CHIC2: variants seen among roughly 807,000 people sequenced by gnomAD.
CHIC2 encodes the protein cysteine-rich hydrophobic domain-containing protein 2.
Under a neutral mutation model 25.9 loss-of-function variants are expected in CHIC2, and 14 were observed. The ratio of observed to expected loss-of-function variants is 0.54; its 90% confidence interval spans 0.36 to 0.85. CHIC2 has a LOEUF of 0.85. Among genes scored for constraint, CHIC2 ranks in the 40% least tolerant of loss-of-function variants. The pLI is 0.01. For missense variants in CHIC2, 146 were observed against 202.0 expected (o/e 0.72, Z 1.68); for synonymous variants, 70 against 72.0 (o/e 0.97, Z 0.14).
intron 5 of CHIC2, among the ~76,000 whole-genome samples, chr4:54,013,604 A>G (rs1715656669): frequency 6.6e-6 from 1 of 152,134 alleles, no homozygotes; most frequent in Admixed American, 6.6e-5. Flanking sequence ...TTATCTTGGC[A>G]ATTAATTTAT....
At chr4:54,076,322 A>T in the CHIC2 span, among the ~76,000 whole-genome samples, 5 of 152,108 alleles carry the variant, frequency 3.3e-5, no homozygotes, top group Admixed American at 1.3e-4. Context: ...ATTAATTTTT[A>T]AAAATGACTT....
chr4:54,020,557 TC>T (rs1715867977), intron 3 of CHIC2, among the ~76,000 whole-genome samples: 1 of 152,070 alleles, frequency 6.6e-6, no homozygotes, highest in Non-Finnish European at 1.5e-5. Flanking sequence ...GGAAGACCAG[TC>T]CCCTGTCCTC....
intron 5 of CHIC2, among the ~76,000 whole-genome samples, 196 bp downstream of exon 5, chr4:54,013,641 G>C (rs1228982755): frequency 6.6e-6 from 1 of 152,068 alleles, no homozygotes; most frequent in East Asian, 1.9e-4. Flanking sequence ...GTGAAGCCTT[G>C]TTTTCAAGTC....
the CHIC2 span, among the ~76,000 whole-genome samples, chr4:54,081,353 C>T: frequency 6.6e-6 from 1 of 151,878 alleles, no homozygotes; most frequent in Non-Finnish European, 1.5e-5. Flanking sequence ...CCTTCTTAAT[C>T]TTTATTGTGA....
the CHIC2 span, among the ~76,000 whole-genome samples, chr4:54,078,778 G>A: frequency 5.9e-5 from 9 of 152,066 alleles, no homozygotes; most frequent in African/African-American, 2.2e-4. Flanking sequence ...GCCTCCCAAA[G>A]TGCTGGGATT....
At chr4:54,052,840 T>A (rs1473715851) in intron 1 of CHIC2, among the ~76,000 whole-genome samples, 1 of 152,210 alleles carries the variant, frequency 6.6e-6, no homozygotes, top group Non-Finnish European at 1.5e-5. Context: ...CATACTGTTT[T>A]CTCTTTAGAA....
At position 54,011,561 on chromosome 4, in the gene CHIC2, T is replaced by C. The variant is rs1218692919; in HGVS notation, c.448-1416A>G. Among the ~76,000 whole-genome samples, 7 of 152,168 alleles carry C rather than the reference T, an allele frequency of 4.6e-5. No individual in the cohort carries two copies. In the East Asian group the frequency reaches 1.2e-3, roughly 25 times the overall value. ...AGGAGTCAACATTAAATAAATAATT[T>C]TGTATTTCAAGTATGTCCTCAATCA... is the stretch of plus-strand genomic sequence containing the variant. On this transcript the variant is annotated intron_variant, in intron 5 of 5. Coordinates refer to ENST00000263921, the MANE Select transcript of CHIC2 (RefSeq NM_012110.4).
chr4:54,088,688 G>A, the CHIC2 span, among the ~76,000 whole-genome samples: 4 of 152,182 alleles, frequency 2.6e-5, no homozygotes, highest in African/African-American at 9.7e-5. Flanking sequence ...ATTTCAAAAC[G>A]ATCCTTCTGG....
upstream of CHIC2, among the ~76,000 whole-genome samples, chr4:54,065,929 T>C (rs924594417): frequency 2.6e-5 from 4 of 152,226 alleles, no homozygotes; most frequent in Non-Finnish European, 4.4e-5. Context: ...ATCAGACTTA[T>C]TGTATCCCTC....
rs570898545 is a variant in CHIC2 at position 54,021,682 on chromosome 4, G to A, written c.331-7563C>T. Among the ~76,000 whole-genome samples the A allele has an allele frequency of 4.6e-5, 7 of 152,050 alleles. No individual in the cohort carries two copies. In the South Asian group the frequency reaches 6.2e-4, roughly 14 times the overall value. Reference sequence around the variant, plus strand: ...TCCGACCTCTCCCAAATCAGTTAGCGTTTAGGCTCTTTTTCATCAAATATA... The same window carrying A: ...TCCGACCTCTCCCAAATCAGTTAGCATTTAGGCTCTTTTTCATCAAATATA... On this transcript the variant is annotated intron_variant, in intron 3 of 5. Transcript: ENST00000263921.
intron 4 of CHIC2, 69 bp downstream of exon 4, chr4:54,013,993 CA>C (rs1264252661): frequency 2.5e-6 from 4 of 1,599,070 alleles, no homozygotes; most frequent in Non-Finnish European, 3.4e-6. Flanking sequence ...TTTAGTTCAA[CA>C]AAAGCATCTG....
rs563526467 is a variant in CHIC2, at chr4:54,026,510, ACT to A, written c.331-12393_331-12392del. On this transcript the variant is annotated intron_variant, in intron 3 of 5. Coordinates refer to ENST00000263921, the MANE Select transcript of CHIC2 (RefSeq NM_012110.4). ...ACTCCAGCCTGGGTGACAGAATGAGACTCTGTCTCAAAAAAAAAGAATTTTTG... is the reference window on the plus strand; with the variant it reads ...ACTCCAGCCTGGGTGACAGAATGAGACTGTCTCAAAAAAAAAGAATTTTTG... Among the ~76,000 whole-genome samples, 220 of 151,934 alleles carry A rather than the reference ACT, an allele frequency of 1.4e-3. 1 individual carries two copies. Among genetic ancestry groups the A allele is most frequent in the African/African-American group, 4.9e-3 (201 of 41,410 alleles).
At chr4:54,033,568 C>A (rs1716297353) in intron 3 of CHIC2, among the ~76,000 whole-genome samples, 1 of 152,118 alleles carries the variant, frequency 6.6e-6, no homozygotes, top group African/African-American at 2.4e-5. Flanking sequence ...AGGGATTGTG[C>A]TGCTAATGTT....
chr4:54,075,587 T>C, the CHIC2 span, among the ~76,000 whole-genome samples: 2 of 152,226 alleles, frequency 1.3e-5, no homozygotes, highest in Non-Finnish European at 1.5e-5. Context: ...TGAGTCTCAC[T>C]CTATTACCCA....
At chr4:54,013,778 C>G in intron 5 of CHIC2, 59 bp downstream of exon 5, 1 of 1,534,168 alleles carries the variant, frequency 6.5e-7, no homozygotes, top group East Asian at 2.2e-5. Flanking sequence ...AGAATAAGAT[C>G]AGAAGCAAAA....
At chr4:54,031,776 C>A (rs975146663) in intron 3 of CHIC2, among the ~76,000 whole-genome samples, 2 of 151,914 alleles carry the variant, frequency 1.3e-5, no homozygotes, top group African/African-American at 4.8e-5. Flanking sequence ...CGTGTCACCA[C>A]GCCCAGCTAA....
chr4:54,048,411 CATA>C (rs1465514720), intron 3 of CHIC2, among the ~76,000 whole-genome samples: 18 of 152,094 alleles, frequency 1.2e-4, no homozygotes, highest in Non-Finnish European at 4.4e-5. Context: ...AAGAATGTCC[CATA>C]ATCTTACCAA....
chr4:54,049,330 T>C (rs752617422), intron 1 of CHIC2, 25 bp from the exon 2 acceptor site: 4 of 1,450,828 alleles, frequency 2.8e-6, no homozygotes, highest in South Asian at 2.5e-5. Context: ...AAGAAGAATA[T>C]GTTATTACAT....
At chr4:54,021,581 A>C (rs1350985124) in intron 3 of CHIC2, among the ~76,000 whole-genome samples, 1 of 151,714 alleles carries the variant, frequency 6.6e-6, no homozygotes, top group Non-Finnish European at 1.5e-5. Flanking sequence ...GCCCTCCCCC[A>C]CCTGCCCAAC....
Sources: allele counts gnomAD v4.1 joint callset (sites outside exome capture counted in the v4.1 genomes callset), GRCh38; gene constraint gnomAD v4.1.1; transcripts MANE v1.5; gene names NCBI Gene and HGNC (gene_info 2026-07-23, HGNC 2026-07-21).